RFTN1: variants seen among roughly 807,000 people sequenced by gnomAD.
RFTN1 encodes the protein raftlin.
RFTN1 carries 26 observed loss-of-function variants against 46.5 expected under a neutral mutation model. The ratio of observed to expected loss-of-function variants is 0.56; its 90% CI spans 0.41 to 0.78. The LOEUF is 0.78. Among genes scored for constraint, RFTN1 ranks in the 30% least tolerant of loss-of-function variants. RFTN1 has a pLI of 0.00. For synonymous variants in RFTN1, 261 were observed against 284.2 expected (o/e 0.92, Z 0.82); for missense variants, 693 against 718.7 (o/e 0.96, Z 0.41).
Position 16,497,603 on chromosome 3 carries a change from C to T in RFTN1, c.-8-3726G>A, listed in dbSNP as rs919025406. On this transcript the variant is annotated intron_variant, in intron 1 of 9. Transcript: ENST00000334133. ...ATGCCCACCCTGCTGCATACTCAGG[C>T]AGACCTGCCTTGCTCTGGAAGGCAA... Among the ~76,000 whole-genome samples the T allele has an allele frequency of 1.6e-4, 24 of 152,194 alleles. 1 individual carries two copies. The highest frequency in any genetic ancestry group is 1.5e-5 in the Non-Finnish European group (1 of 68,038).
At position 16,383,024 on chromosome 3, in the gene RFTN1, C is replaced by G. The variant is rs1010795470; in HGVS notation, c.442-4922G>C. 1.3e-5 allele frequency among the ~76,000 whole-genome samples: 2 copies of G among 152,210 alleles called. No individual in the cohort carries two copies. Among genetic ancestry groups the G allele is most frequent in the African/African-American group, 4.8e-5 (2 of 41,448 alleles). ...CAACTATTAACATTGCACAGCTCTT[C>G]TACAAAGAACTTTCACATGCATTCC... On this transcript the variant is annotated intron_variant, in intron 4 of 9. Coordinates refer to ENST00000334133, the MANE Select transcript of RFTN1 (RefSeq NM_015150.2). This position sits in a 1 kb window ranked among gnomAD's most constrained non-coding sequence, Gnocchi z 4.0.
In RFTN1 at chr3:16,382,939, T is replaced by G. The variant is rs778414665; in HGVS notation, c.442-4837A>C. Among the ~76,000 whole-genome samples, 3 of 151,994 alleles carry G rather than the reference T, an allele frequency of 2.0e-5. No individual in the cohort carries two copies. Among genetic ancestry groups the G allele is most frequent in the Non-Finnish European group, 4.4e-5 (3 of 68,010 alleles). On this transcript the variant is annotated intron_variant, in intron 4 of 9. Coordinates refer to ENST00000334133, the MANE Select transcript of RFTN1 (RefSeq NM_015150.2). This position sits in a 1 kb window ranked among gnomAD's most constrained non-coding sequence, Gnocchi z 4.7. The stretch of plus-strand genomic sequence containing the variant: ...AGCCAGGTCACCTCAGCCATGGAGC[T>G]CCCCACAGACTCCCACGCATGCCCA...
chr3:16,404,215 TAATA>T (rs1323331569), intron 4 of RFTN1, among the ~76,000 whole-genome samples: 5 of 490 alleles, frequency 0.01, 1 homozygote, highest in Admixed American at 0.029. Context: ...ATATATTATA[TAATA>T]TATATTTTAT....
chr3:16,474,457 C>G lies in RFTN1; in HGVS notation c.145+19268G>C, dbSNP rs976632244. On this transcript the variant is annotated intron_variant, in intron 2 of 9. Transcript: ENST00000334133. The surrounding 1 kb of genome is among the most constrained non-coding windows in gnomAD (Gnocchi z 5.5). Reference sequence around the variant, plus strand: ...TGCTGCTGCTATTTGCCCTCCTCCCCCAAGATAAACAAAGGCTGACCATGA... The same window carrying G: ...TGCTGCTGCTATTTGCCCTCCTCCCGCAAGATAAACAAAGGCTGACCATGA... 1.3e-5 allele frequency among the ~76,000 whole-genome samples: 2 copies of G among 152,198 alleles called. No homozygotes were observed. The highest frequency in any genetic ancestry group is 2.9e-5 in the Non-Finnish European group (2 of 68,028).
At position 16,425,042 on chromosome 3, in the gene RFTN1, A is replaced by G. The variant is rs1259948890; in HGVS notation, c.332+8809T>C. Among the ~76,000 whole-genome samples, 3 of 152,194 alleles carry G rather than the reference A, an allele frequency of 2.0e-5. No homozygotes were observed. The highest frequency in any genetic ancestry group is 4.4e-5 in the Non-Finnish European group (3 of 68,038). On this transcript the variant is annotated intron_variant, in intron 3 of 9. Coordinates refer to ENST00000334133, the MANE Select transcript of RFTN1 (RefSeq NM_015150.2). This position sits in a 1 kb window ranked among gnomAD's most constrained non-coding sequence, Gnocchi z 4.3. ...AGACTATTCAATACAAGACTCCCAC[A>G]AAGATTTAAAGTAAGACAATCTGAG...
At position 16,348,641 on chromosome 3, in the gene RFTN1, G is replaced by A. The variant is rs2071892734; in HGVS notation, c.1146+9291C>T. Among the ~76,000 whole-genome samples, 1 of 152,216 alleles carries A rather than the reference G, an allele frequency of 6.6e-6. No individual in the cohort carries two copies. The highest frequency in any genetic ancestry group is 2.4e-5 in the African/African-American group (1 of 41,460). On this transcript the variant is annotated intron_variant, in intron 7 of 9. Transcript: ENST00000334133. This position sits in a 1 kb window ranked among gnomAD's most constrained non-coding sequence, Gnocchi z 6.3. ...AGGCTCCTTGATGTGTGGGGCCTCAGCAAATGCCCCTTTGCATCCTTGTTC... is the reference window on the plus strand; with the variant it reads ...AGGCTCCTTGATGTGTGGGGCCTCAACAAATGCCCCTTTGCATCCTTGTTC...
intron 4 of RFTN1, among the ~76,000 whole-genome samples, chr3:16,398,099 C>T (rs842493): frequency 0.61 from 91,847 of 151,166 alleles, 28,546 homozygotes; most frequent in African/African-American, 0.74. Flanking sequence ...ACGAAAAAAT[C>T]AGCTGGGCGT....
At position 16,433,188 on chromosome 3, in the gene RFTN1, A is replaced by T. The variant is rs897270819; in HGVS notation, c.332+663T>A. On this transcript the variant is annotated intron_variant, in intron 3 of 9. Coordinates refer to ENST00000334133, the MANE Select transcript of RFTN1 (RefSeq NM_015150.2). The surrounding 1 kb of genome is among the most constrained non-coding windows in gnomAD (Gnocchi z 4.4). ...CATCCTCACTGTTTTTTTTTTTTAA[A>T]AAAATTAATATTGTTCCTTTTGAAA... Among the ~76,000 whole-genome samples the T allele has an allele frequency of 2.6e-4, 38 of 146,230 alleles. No homozygotes were observed. The highest frequency in any genetic ancestry group is 9.1e-4 in the African/African-American group (33 of 36,436).
Position 16,370,213 on chromosome 3 carries a change from A to G in RFTN1, c.893T>C (p.Val298Ala). The change falls in exon 6 of 10, where the codon GTC (valine) becomes GCC (alanine). Residue 298 changes from valine to alanine, a missense_variant. By Grantham distance (64) the Val-to-Ala change is moderately conservative. Transcript: ENST00000334133. The surrounding 1 kb of genome is among the most constrained non-coding windows in gnomAD (Gnocchi z 5.5). ...CTTGGAGACATGGAGAGGAATGGTG[A>G]CAGGGTAGTATTGCCGGCACTTCTG... ...SHQKCRQYYP[V>A]TIPLHVSKNG... 6.2e-7 allele frequency: 1 copy of G among 1,614,208 alleles called. No homozygotes were observed. Among genetic ancestry groups the G allele is most frequent in the Non-Finnish European group, 8.5e-7 (1 of 1,180,018 alleles).
intron 2 of RFTN1, among the ~76,000 whole-genome samples, chr3:16,463,982 C>G (rs1269721977): frequency 6.6e-6 from 1 of 152,150 alleles, no homozygotes; most frequent in East Asian, 1.9e-4. Context: ...ACCATGCCCC[C>G]ACCCCTCCCA....
rs141247178 is a variant in RFTN1 at position 16,351,249 on chromosome 3, C to T, written c.1146+6683G>A. On this transcript the variant is annotated intron_variant, in intron 7 of 9. Transcript: ENST00000334133. This position sits in a 1 kb window ranked among gnomAD's most constrained non-coding sequence, Gnocchi z 5.4. ...GGCACTGGTGGAGAGATTCCTGCAGCGCGCCAAGGACTGTGTCCTTGATCC... is the reference window on the plus strand; with the variant it reads ...GGCACTGGTGGAGAGATTCCTGCAGTGCGCCAAGGACTGTGTCCTTGATCC... Among the ~76,000 whole-genome samples the T allele has an allele frequency of 6.6e-6, 1 of 152,242 alleles. No homozygotes were observed. The highest frequency in any genetic ancestry group is 1.9e-4 in the East Asian group (1 of 5,184).
rs1215263088 is a variant in RFTN1 at position 16,473,423 on chromosome 3, T to C, written c.145+20302A>G. ...TTTTCTTTTTTTTTTTTTCCTGAGATAGAGTCTGGCTCTGTCGCCAAGGCT... is the reference window on the plus strand; with the variant it reads ...TTTTCTTTTTTTTTTTTTCCTGAGACAGAGTCTGGCTCTGTCGCCAAGGCT... On this transcript the variant is annotated intron_variant, in intron 2 of 9. Transcript: ENST00000334133. The surrounding 1 kb of genome is among the most constrained non-coding windows in gnomAD (Gnocchi z 5.3). 1.3e-5 allele frequency among the ~76,000 whole-genome samples: 2 copies of C among 151,350 alleles called. No homozygotes were observed. The highest frequency in any genetic ancestry group is 2.9e-5 in the Non-Finnish European group (2 of 67,864).
Position 16,509,363 on chromosome 3 carries a change from C to T in RFTN1, c.-9+4079G>A, listed in dbSNP as rs1426102650. Among the ~76,000 whole-genome samples the T allele has an allele frequency of 6.6e-6, 1 of 152,168 alleles. No homozygotes were observed. The highest frequency in any genetic ancestry group is 1.5e-5 in the Non-Finnish European group (1 of 68,026). ...TCAAAAAACCAGAATGTCACAGTCT[C>T]TTCCCTTAAGGTCTTAGAAAAATGA... On this transcript the variant is annotated intron_variant, in intron 1 of 9. Coordinates refer to ENST00000334133, the MANE Select transcript of RFTN1 (RefSeq NM_015150.2). The surrounding 1 kb of genome is among the most constrained non-coding windows in gnomAD (Gnocchi z 4.9).
In RFTN1 at chr3:16,413,795, T is replaced by C. The variant is rs1297165354; in HGVS notation, c.333-4312A>G. Among the ~76,000 whole-genome samples the C allele has an allele frequency of 6.6e-6, 1 of 152,214 alleles. No homozygotes were observed. Among genetic ancestry groups the C allele is most frequent in the Non-Finnish European group, 1.5e-5 (1 of 68,034 alleles). On this transcript the variant is annotated intron_variant, in intron 3 of 9. Coordinates refer to ENST00000334133, the MANE Select transcript of RFTN1 (RefSeq NM_015150.2). The surrounding 1 kb of genome is among the most constrained non-coding windows in gnomAD (Gnocchi z 4.7). Reference sequence around the variant, plus strand: ...ACTCGCCATCCCCAACTTGGTATGATAATTCCAATAGATTTATTAGTTAGA... The same window carrying C: ...ACTCGCCATCCCCAACTTGGTATGACAATTCCAATAGATTTATTAGTTAGA...
At chr3:16,409,284 G>T in intron 4 of RFTN1, 91 bp downstream of exon 4, 2 of 855,128 alleles carry the variant, frequency 2.3e-6, no homozygotes, top group Non-Finnish European at 3.9e-6. Flanking sequence ...CCTCTTGAGT[G>T]TGGCTGATCT....
At chr3:16,511,797 C>T (rs1039954550) in intron 1 of RFTN1, among the ~76,000 whole-genome samples, 8 of 152,100 alleles carry the variant, frequency 5.3e-5, no homozygotes, top group African/African-American at 1.9e-4. Flanking sequence ...AAAAAGAACT[C>T]ACTGACTTGT....
chr3:16,409,738 G>A (rs1422516486), intron 3 of RFTN1, among the ~76,000 whole-genome samples: 2 of 147,996 alleles, frequency 1.4e-5, no homozygotes, highest in African/African-American at 5.0e-5. Flanking sequence ...AGGCTGGAGT[G>A]CAGTGGCGTG....
chr3:16,479,987 A>T lies in RFTN1; in HGVS notation c.145+13738T>A, dbSNP rs1240489231. 1.3e-5 allele frequency among the ~76,000 whole-genome samples: 2 copies of T among 152,242 alleles called. No individual in the cohort carries two copies. The highest frequency in any genetic ancestry group is 2.9e-5 in the Non-Finnish European group (2 of 68,044). ...AGGAGAACAGACACCAGACTAGGAC[A>T]TTAAAAACTCCAGAATTTGGTGGGA... On this transcript the variant is annotated intron_variant, in intron 2 of 9. Coordinates refer to ENST00000334133, the MANE Select transcript of RFTN1 (RefSeq NM_015150.2). The surrounding 1 kb of genome is among the most constrained non-coding windows in gnomAD (Gnocchi z 5.1).
chr3:16,484,552 G>A lies in RFTN1; in HGVS notation c.145+9173C>T, dbSNP rs2076417920. ...AGATGGGAATTTGTAAAATGCAGCAGTGTGGAATGATCCTCGAAATTGTAA... is the reference window on the plus strand; with the variant it reads ...AGATGGGAATTTGTAAAATGCAGCAATGTGGAATGATCCTCGAAATTGTAA... On this transcript the variant is annotated intron_variant, in intron 2 of 9. Transcript: ENST00000334133. The surrounding 1 kb of genome is among the most constrained non-coding windows in gnomAD (Gnocchi z 4.6). The A allele has an allele frequency of 1.3e-5, 2 of 152,244 alleles. No individual in the cohort carries two copies. The highest frequency in any genetic ancestry group is 4.8e-5 in the African/African-American group (2 of 41,456). The allele number at this position is 152,244 out of a possible 1,614,324, so 9.4% of individuals were successfully genotyped here.
Sources: gnomAD v4.1 joint callset for allele counts (sites outside exome capture counted in the v4.1 genomes callset) on GRCh38, gnomAD v4.1.1 for gene constraint, Gnocchi (gnomAD v3.1) non-coding constraint, MANE v1.5 for transcripts, NCBI Gene and HGNC (gene_info 2026-07-23, HGNC 2026-07-21) for gene names.